The following ATL2 variants were observed in gnomAD, a reference collection of about 807,000 sequenced individuals.
ATL2 encodes atlastin GTPase 2, also known as atlastin-2.
In ATL2, 31 loss-of-function variants were observed where a neutral mutation model predicts 73.9. That is an observed-to-expected ratio of 0.42 (90% CI 0.32 to 0.57). The LOEUF (loss-of-function observed/expected upper bound fraction) is 0.57, where lower values mean the gene tolerates loss of function less well. Ranked by LOEUF, ATL2 falls within the 20% of genes least tolerant of loss-of-function variation. ATL2 has a pLI of 0.14. For synonymous variants in ATL2, 291 were observed against 237.5 expected (o/e 1.23, Z -2.07); for missense variants, 738 against 702.6 (o/e 1.05, Z -0.57).
chr2:38,364,682 T>A (rs1025622420), intron 1 of ATL2, among the ~76,000 whole-genome samples: 1 of 152,206 alleles, frequency 6.6e-6, no homozygotes, highest in Non-Finnish European at 1.5e-5. Flanking sequence ...GGATCAAGAA[T>A]TAATCGAAAA....
chr2:38,319,677 G>A (rs185874402), intron 2 of ATL2, among the ~76,000 whole-genome samples: 4 of 151,718 alleles, frequency 2.6e-5, no homozygotes, highest in South Asian at 2.1e-4. Context: ...TAAAAAACTC[G>A]GCACCAATTA....
At chr2:38,362,746 T>G (rs551613142) in intron 1 of ATL2, among the ~76,000 whole-genome samples, 38 of 151,994 alleles carry the variant, frequency 2.5e-4, no homozygotes, top group African/African-American at 8.4e-4. Context: ...CCCTTAGGAG[T>G]TTACATCCTA....
At chr2:38,337,083 T>C (rs1669399702) in intron 2 of ATL2, among the ~76,000 whole-genome samples, 1 of 151,578 alleles carries the variant, frequency 6.6e-6, no homozygotes, top group African/African-American at 2.4e-5. Flanking sequence ...AACAAATAAA[T>C]TGCCAAGAAA....
intron 1 of ATL2, among the ~76,000 whole-genome samples, chr2:38,375,555 G>C (rs889776590): frequency 5.9e-5 from 9 of 152,000 alleles, no homozygotes; most frequent in Non-Finnish European, 1.2e-4. Context: ...CATAACTGAA[G>C]TATAAATTTA....
chr2:38,338,847 A>G (rs762824746), intron 2 of ATL2, among the ~76,000 whole-genome samples: 1 of 152,052 alleles, frequency 6.6e-6, no homozygotes, highest in Non-Finnish European at 1.5e-5. Context: ...AAATCCCATC[A>G]CCCCAGTCTA....
At chr2:38,368,111 T>C (rs1671450593) in intron 1 of ATL2, among the ~76,000 whole-genome samples, 1 of 151,604 alleles carries the variant, frequency 6.6e-6, no homozygotes. Context: ...ATTTTTTGTA[T>C]TTTTAGTAGA....
chr2:38,299,689 T>C (rs544796338), intron 10 of ATL2, among the ~76,000 whole-genome samples: 36 of 152,324 alleles, frequency 2.4e-4, no homozygotes, highest in Non-Finnish European at 4.9e-4. Context: ...ATCAGTATTA[T>C]ACAAGACATT....
chr2:38,310,733 G>A (rs1229806811), intron 7 of ATL2, among the ~76,000 whole-genome samples: 1 of 150,834 alleles, frequency 6.6e-6, no homozygotes, highest in Admixed American at 6.6e-5. Context: ...CGCCTCCCAG[G>A]TTCAAGTGAT....
At chr2:38,318,211 C>T (rs1573466794) in intron 4 of ATL2, 2 of 197,092 alleles carry the variant, frequency 1.0e-5, no homozygotes, top group East Asian at 2.4e-4. Context: ...GGCTCAGTGG[C>T]TCACGCCTGT....
chr2:38,315,800 C>T (rs1667998027), intron 4 of ATL2, among the ~76,000 whole-genome samples: 1 of 152,182 alleles, frequency 6.6e-6, no homozygotes, highest in Non-Finnish European at 1.5e-5. Flanking sequence ...ACCTCCACTA[C>T]TACTGACTCT....
At chr2:38,304,107 A>G (rs1183166158) in intron 9 of ATL2, among the ~76,000 whole-genome samples, 2 of 152,096 alleles carry the variant, frequency 1.3e-5, no homozygotes, top group Non-Finnish European at 1.5e-5. Flanking sequence ...CTATTAAACC[A>G]CCACCACAAC....
chr2:38,304,605 G>C (rs904858681), intron 9 of ATL2, among the ~76,000 whole-genome samples: 3 of 152,124 alleles, frequency 2.0e-5, no homozygotes, highest in African/African-American at 7.2e-5. Context: ...TCCAGACATA[G>C]ACGGTATACT....
chr2:38,374,784 A>G (rs1431176831), intron 1 of ATL2, among the ~76,000 whole-genome samples: 20 of 152,248 alleles, frequency 1.3e-4, no homozygotes, highest in Admixed American at 1.2e-3. Flanking sequence ...GAAAAAGCCT[A>G]ATTTTGGAAA....
intron 1 of ATL2, among the ~76,000 whole-genome samples, chr2:38,348,034 T>A (rs954842949): frequency 6.6e-6 from 1 of 151,720 alleles, no homozygotes; most frequent in Non-Finnish European, 1.5e-5. Flanking sequence ...CCCAAAGTAC[T>A]AGGATTACAG....
chr2:38,377,371 T>A (rs975238345), upstream of ATL2: 1 of 820,196 alleles, frequency 1.2e-6, no homozygotes. Flanking sequence ...GCTCTCCGCC[T>A]GTATCTCCTC....
chr2:38,298,010 C>T (rs1391850969), intron 12 of ATL2, 134 bp downstream of exon 12: 2 of 821,366 alleles, frequency 2.4e-6, no homozygotes, highest in Non-Finnish European at 3.8e-6. Flanking sequence ...AAAGATTCTA[C>T]ATCTGAACAA....
At position 38,333,312 on chromosome 2, in the gene ATL2, A is replaced by T. The variant is rs189077787; in HGVS notation, c.363+9956T>A. Among the ~76,000 whole-genome samples the T allele has an allele frequency of 2.0e-4, 30 of 146,580 alleles. 1 individual carries two copies. The East Asian group carries it at 3.5e-3, about 17-fold the overall frequency. ...TCTAAAAAAGTTAAAATAATTTTTT[A>T]AAAAATGTACAAGCTAAATAGCAAA... On this transcript the variant is annotated intron_variant, in intron 2 of 12. Transcript: ENST00000378954.
chr2:38,371,616 G>A (rs1237607579), intron 1 of ATL2, among the ~76,000 whole-genome samples: 4 of 152,156 alleles, frequency 2.6e-5, no homozygotes, highest in Admixed American at 6.5e-5. Flanking sequence ...TACAGACCCA[G>A]GCAGGGTGCG....
At chr2:38,336,000 A>T (rs1264971028) in intron 2 of ATL2, among the ~76,000 whole-genome samples, 1 of 152,256 alleles carries the variant, frequency 6.6e-6, no homozygotes, top group Non-Finnish European at 1.5e-5. Flanking sequence ...TGGGCGCCAC[A>T]GCGAGACTCT....
Sources: allele counts gnomAD v4.1 joint callset (sites outside exome capture counted in the v4.1 genomes callset), GRCh38; gene constraint gnomAD v4.1.1; transcripts MANE v1.5; gene names NCBI Gene and HGNC (gene_info 2026-07-23, HGNC 2026-07-21).